MAML2: variants seen among roughly 807,000 people sequenced by gnomAD.
MAML2 encodes mastermind-like protein 2.
A neutral mutation model predicts 96.1 loss-of-function variants in MAML2; 22 were observed. That is an observed-to-expected ratio of 0.23 (90% CI 0.16 to 0.33). The LOEUF is 0.33. MAML2 is among the 10% of genes least tolerant of loss of function. The pLI is 1.00. For missense variants in MAML2, 1,367 were observed against 1,392.4 expected (o/e 0.98, Z 0.29); for synonymous variants, 561 against 521.3 (o/e 1.08, Z -1.04).
At chr11:96,077,454 C>G (rs1161149453) in intron 2 of MAML2, among the ~76,000 whole-genome samples, 1 of 152,072 alleles carries the variant, frequency 6.6e-6, no homozygotes, top group Admixed American at 6.5e-5. Context: ...CTCCTGACCT[C>G]AAGTCATCCA....
intron 1 of MAML2, among the ~76,000 whole-genome samples, chr11:96,137,793 T>G (rs752444758): frequency 4.6e-5 from 7 of 152,208 alleles, no homozygotes; most frequent in Non-Finnish European, 1.0e-4. Context: ...TATAATTGCA[T>G]TAAACCTGAA....
chr11:96,057,343 T>G (rs11820738), intron 2 of MAML2, among the ~76,000 whole-genome samples: 22,244 of 152,150 alleles, frequency 0.15, 1,785 homozygotes, highest in South Asian at 0.22. Context: ...AAATGCAACT[T>G]AAGCCAAAAT....
chr11:96,032,083 C>T (rs997638972), intron 2 of MAML2, among the ~76,000 whole-genome samples: 1 of 152,060 alleles, frequency 6.6e-6, no homozygotes, highest in Admixed American at 6.5e-5. Context: ...TGAAAGTGAG[C>T]CCACAGTTTT....
chr11:96,212,151 G>C (rs1489497887), intron 1 of MAML2, among the ~76,000 whole-genome samples: 1 of 107,134 alleles, frequency 9.3e-6, no homozygotes, highest in Non-Finnish European at 2.1e-5. Context: ...GTGTGTGTGT[G>C]GAAGGGGGAC....
At chr11:96,228,148 G>A (rs1255771716) in intron 1 of MAML2, among the ~76,000 whole-genome samples, 1 of 152,140 alleles carries the variant, frequency 6.6e-6, no homozygotes, top group Admixed American at 6.6e-5. Context: ...GAAGGTGGGA[G>A]AGAAAGTACT....
At position 96,269,798 on chromosome 11, in the gene MAML2, T is replaced by C. The variant is rs915385762; in HGVS notation, c.513+71585A>G. Among the ~76,000 whole-genome samples the C allele has an allele frequency of 9.0e-5, 13 of 144,046 alleles. 1 individual carries two copies. The highest frequency in any genetic ancestry group is 7.3e-4 in the Admixed American group (10 of 13,648). 94.5% of individuals were successfully genotyped at this position (144,046 alleles called of 152,430 possible). A position where few individuals can be genotyped will look rare whatever the true frequency, so the allele number is the denominator to read the frequency against. ...AGTGTTGGGTTTACAGGTGTGAGCC[T>C]CCATGCCCAGCCTTGAGGTGCATTC... On this transcript the variant is annotated intron_variant, in intron 1 of 4. Transcript: ENST00000524717.
At chr11:96,080,452 A>G (rs1859513185) in intron 2 of MAML2, among the ~76,000 whole-genome samples, 1 of 152,256 alleles carries the variant, frequency 6.6e-6, no homozygotes. Flanking sequence ...GTAAGACTCA[A>G]ATTTAAACAT....
chr11:96,146,444 G>T (rs1659444127), intron 1 of MAML2, among the ~76,000 whole-genome samples: 1 of 152,130 alleles, frequency 6.6e-6, no homozygotes, highest in Non-Finnish European at 1.5e-5. Context: ...GGCAGGACAG[G>T]GGACAAACCA....
chr11:96,022,038 C>G (rs1213883798), intron 2 of MAML2, among the ~76,000 whole-genome samples: 1 of 152,164 alleles, frequency 6.6e-6, no homozygotes, highest in African/African-American at 2.4e-5. Flanking sequence ...AAGCTGGGGT[C>G]TCTGTAGGCC....
In MAML2 at chr11:96,029,637, A is replaced by T. The variant is rs185762849; in HGVS notation, c.2140-37914T>A. On this transcript the variant is annotated intron_variant, in intron 2 of 4. Transcript: ENST00000524717. ...AAAATAGGCTGTGTTAACATCTCTCACCTGTATCTGTCCTCCCATCTTCTT... is the reference window on the plus strand; with the variant it reads ...AAAATAGGCTGTGTTAACATCTCTCTCCTGTATCTGTCCTCCCATCTTCTT... Among the ~76,000 whole-genome samples, 4 of 152,212 alleles carry T rather than the reference A, an allele frequency of 2.6e-5. No homozygotes were observed. In the East Asian group the frequency reaches 7.7e-4, roughly 29 times the overall value.
At chr11:96,112,747 C>T (rs1052409793) in intron 1 of MAML2, among the ~76,000 whole-genome samples, 4 of 152,178 alleles carry the variant, frequency 2.6e-5, no homozygotes, top group Non-Finnish European at 5.9e-5. Flanking sequence ...TTCCATAAGC[C>T]TATTAATTTG....
At chr11:96,219,534 G>A (rs1310903322) in intron 1 of MAML2, among the ~76,000 whole-genome samples, 2 of 152,172 alleles carry the variant, frequency 1.3e-5, no homozygotes, top group South Asian at 2.1e-4. Context: ...TACAGCATGA[G>A]CCTAGGAGTC....
intron 2 of MAML2, among the ~76,000 whole-genome samples, chr11:96,068,102 T>C (rs752371524): frequency 1.4e-4 from 22 of 152,342 alleles, no homozygotes; most frequent in Middle Eastern, 3.4e-3. Context: ...TGTAGTTAAA[T>C]GTCAACAAAA....
intron 2 of MAML2, among the ~76,000 whole-genome samples, chr11:96,091,418 T>C (rs1000455496): frequency 2.0e-5 from 3 of 152,332 alleles, no homozygotes; most frequent in African/African-American, 7.2e-5. Flanking sequence ...ATTATGATCA[T>C]TGGGCATTTA....
chr11:96,314,566 G>A (rs1050357481), intron 1 of MAML2, among the ~76,000 whole-genome samples: 3 of 152,106 alleles, frequency 2.0e-5, no homozygotes, highest in Non-Finnish European at 4.4e-5. Context: ...CATTTTACAC[G>A]GTGGCATTGC....
intron 1 of MAML2, among the ~76,000 whole-genome samples, chr11:96,134,169 A>C (rs537739975): frequency 3.4e-4 from 52 of 152,336 alleles, no homozygotes; most frequent in Non-Finnish European, 6.0e-4. Context: ...CTTACTGAAG[A>C]TTATACAGCT....
chr11:96,216,564 A>G (rs1190951575), intron 1 of MAML2, among the ~76,000 whole-genome samples: 1 of 152,154 alleles, frequency 6.6e-6, no homozygotes, highest in African/African-American at 2.4e-5. Flanking sequence ...CTATTTATCC[A>G]TACTGCCCCA....
intron 1 of MAML2, among the ~76,000 whole-genome samples, chr11:96,245,696 C>G (rs1315618256): frequency 2.1e-5 from 3 of 144,932 alleles, no homozygotes; most frequent in Non-Finnish European, 4.5e-5. Context: ...TGAATCACAC[C>G]CATACCTAAT....
intron 1 of MAML2, among the ~76,000 whole-genome samples, chr11:96,170,213 C>A (rs887933807): frequency 4.6e-5 from 7 of 152,206 alleles, no homozygotes; most frequent in Non-Finnish European, 8.8e-5. Context: ...TATTTTCCAA[C>A]CTTTTCACAA....
Sources: gnomAD v4.1 joint callset for allele counts (sites outside exome capture counted in the v4.1 genomes callset) on GRCh38, gnomAD v4.1.1 for gene constraint, MANE v1.5 for transcripts, NCBI Gene and HGNC (gene_info 2026-07-23, HGNC 2026-07-21) for gene names.